The following MGST1 variants were observed in gnomAD, a reference collection of about 807,000 sequenced individuals.
The protein encoded by MGST1 is microsomal glutathione S-transferase 1.
In MGST1, 5 loss-of-function variants were observed where a neutral mutation model predicts 8.9. That is an observed-to-expected ratio of 0.56 (90% CI 0.29 to 1.19). The LOEUF is 1.19. MGST1 is among the 50% of genes most tolerant of loss of function. The pLI, the probability that MGST1 is intolerant of heterozygous loss-of-function variation, is 0.08. For missense variants in MGST1, 182 were observed against 187.4 expected, an observed-to-expected ratio of 0.97 and a Z score of 0.17; for synonymous variants, 54 against 67.8, an observed-to-expected ratio of 0.80 and a Z score of 1.00.
chr12:16,568,571 A>G (rs901968097), intron 4 of MGST1, among the ~76,000 whole-genome samples: 1 of 152,218 alleles, frequency 6.6e-6, no homozygotes, highest in Non-Finnish European at 1.5e-5. Context: ...GGGCATATGT[A>G]CCAGATTCCA....
At chr12:16,525,768 A>C (rs371896319) in intron 4 of MGST1, among the ~76,000 whole-genome samples, 1 of 150,476 alleles carries the variant, frequency 6.6e-6, no homozygotes, top group Non-Finnish European at 1.5e-5. Flanking sequence ...CAACAGTGTA[A>C]AAGTGTTCCT....
intron 4 of MGST1, among the ~76,000 whole-genome samples, chr12:16,561,982 T>TA (rs1342668076): frequency 1.3e-5 from 2 of 152,216 alleles, no homozygotes; most frequent in Admixed American, 1.3e-4. Flanking sequence ...CTTAATGAAT[T>TA]AAAAAATACT....
At chr12:16,354,207 C>A in intron 1 of MGST1, 24 bp from the exon 2 acceptor site, 1 of 1,522,948 alleles carries the variant, frequency 6.6e-7, no homozygotes. Flanking sequence ...CTGCTTTTTC[C>A]CATTTTATTT....
At position 16,548,914 on chromosome 12, in the gene MGST1, G is replaced by A. The variant is rs540535200; in HGVS notation, n.483-40614G>A. ...TAAGAAATAATTCTCAGCATATTAT[G>A]TAAAAGAAAAAGCAGTGAAAACCTT... On this transcript the variant is annotated intron_variant and non_coding_transcript_variant, in intron 4 of 4. Coordinates refer to the MGST1 transcript ENST00000538857. This position sits in a 1 kb window ranked among gnomAD's most constrained non-coding sequence, Gnocchi z 4.2. 6.6e-6 allele frequency: 1 copy of A among 152,234 alleles called. No homozygotes were observed. Among genetic ancestry groups the A allele is most frequent in the African/African-American group, 2.4e-5 (1 of 41,550 alleles). The allele number at this position is 152,234 out of a possible 1,614,324, so 9.4% of individuals were successfully genotyped here.
chr12:16,354,783 G>GA (rs1013294584), intron 2 of MGST1: 10 of 149,532 alleles, frequency 6.7e-5, no homozygotes, highest in South Asian at 2.1e-4. Context: ...AAAAAAAATA[G>GA]AAAAAAAAAG....
intron 1 of MGST1, among the ~76,000 whole-genome samples, chr12:16,417,550 C>A (rs1027208754): frequency 2.0e-5 from 3 of 152,100 alleles, no homozygotes; most frequent in Non-Finnish European, 4.4e-5. Flanking sequence ...TTGACCAGTG[C>A]CCTGCCAATG....
intron 4 of MGST1, among the ~76,000 whole-genome samples, chr12:16,472,683 A>G (rs191822336): frequency 1.3e-5 from 2 of 152,340 alleles, no homozygotes; most frequent in East Asian, 3.9e-4. Context: ...TTGAGCAATA[A>G]TACAATCATA....
chr12:16,417,129 G>A (rs1269746666), intron 1 of MGST1, among the ~76,000 whole-genome samples: 5 of 152,178 alleles, frequency 3.3e-5, no homozygotes, highest in Non-Finnish European at 5.9e-5. Context: ...ATATCTGAGA[G>A]TGGGTAACTC....
intron 4 of MGST1, among the ~76,000 whole-genome samples, chr12:16,535,189 T>C (rs1195489458): frequency 1.3e-5 from 2 of 152,234 alleles, no homozygotes; most frequent in East Asian, 3.8e-4. Flanking sequence ...TTCTAGCCAC[T>C]AGCCCACTCT....
At chr12:16,406,628 G>A (rs1222015718) in intron 1 of MGST1, among the ~76,000 whole-genome samples, 2 of 152,160 alleles carry the variant, frequency 1.3e-5, no homozygotes, top group Non-Finnish European at 1.5e-5. Flanking sequence ...GCAAAAAGCT[G>A]GAGGCATCAT....
intron 4 of MGST1, among the ~76,000 whole-genome samples, chr12:16,556,370 A>C (rs1209782112): frequency 6.6e-6 from 1 of 152,212 alleles, no homozygotes; most frequent in Non-Finnish European, 1.5e-5. Flanking sequence ...ATTTTAATGC[A>C]GGATTCACGT....
intron 2 of MGST1, among the ~76,000 whole-genome samples, chr12:16,355,113 G>A (rs1158097031): frequency 6.6e-6 from 1 of 150,446 alleles, no homozygotes; most frequent in Non-Finnish European, 1.5e-5. Context: ...GAGACCATCT[G>A]TTTCTCTCTT....
intron 1 of MGST1, chr12:16,399,777 C>T: frequency 8.5e-7 from 1 of 1,181,004 alleles, no homozygotes; most frequent in East Asian, 2.3e-5. Context: ...GGAATTCAAC[C>T]ATTCCTTGAT....
In MGST1 at chr12:16,394,528, TTCTTTCTTTCTTTCTTTCTTTC is replaced by T. The variant is rs1451768480; in HGVS notation, n.778+10926_778+10947del. On this transcript the variant is annotated intron_variant and non_coding_transcript_variant, in intron 1 of 1. Transcript: ENST00000359720. ...TCTTTCTCTCCCTTTCTTTCTTTCT[TTCTTTCTTTCTTTCTTTCTTTC>T]TTTCTTTCTTTCTTTCTTTCTTTCT... is the stretch of plus-strand genomic sequence containing the variant. Among the ~76,000 whole-genome samples the T allele has an allele frequency of 3.6e-4, 12 of 33,044 alleles. 1 individual carries two copies. In the East Asian group the frequency reaches 0.051, roughly 142 times the overall value. The allele number at this position is 33,044 out of a possible 152,430, so 21.7% of individuals were successfully genotyped here.
At chr12:16,484,837 CT>C (rs1187373955) in intron 4 of MGST1, among the ~76,000 whole-genome samples, 4 of 152,192 alleles carry the variant, frequency 2.6e-5, no homozygotes. Context: ...AACCATATCA[CT>C]TTCCAGTGAT....
rs1429854771 is a variant in MGST1 at position 16,401,864 on chromosome 12, T to C, written n.778+18260T>C. On this transcript the variant is annotated intron_variant and non_coding_transcript_variant, in intron 1 of 1. Coordinates refer to the MGST1 transcript ENST00000359720. This position sits in a 1 kb window ranked among gnomAD's most constrained non-coding sequence, Gnocchi z 4.3. ...TGAAGACTTCAGAAGTGATGCCAGC[T>C]GCTTTCTTCATTAATTTGAGCTCCC... The C allele has an allele frequency of 6.2e-7, 1 of 1,604,486 alleles. No homozygotes were observed. Among genetic ancestry groups the C allele is most frequent in the Admixed American group, 1.7e-5 (1 of 60,026 alleles).
Position 16,435,218 on chromosome 12 carries a change from CAATT to C in MGST1, n.779-2167_779-2164del, listed in dbSNP as rs1363512028. Among the ~76,000 whole-genome samples the C allele has an allele frequency of 5.0e-4, 75 of 151,500 alleles. 1 individual carries two copies. Among genetic ancestry groups the C allele is most frequent in the Non-Finnish European group, 8.9e-5 (6 of 67,794 alleles). ...TTATTTTGATTTTATTTATTTATCT[CAATT>C]AAATGTACAAACAAAGCATAATAAA... On this transcript the variant is annotated intron_variant and non_coding_transcript_variant, in intron 1 of 1. Coordinates refer to the MGST1 transcript ENST00000359720.
chr12:16,350,013 G>A (rs1414349293), intron 1 of MGST1, among the ~76,000 whole-genome samples: 1 of 152,058 alleles, frequency 6.6e-6, no homozygotes, highest in African/African-American at 2.4e-5. Context: ...CAAAGTGCTG[G>A]GATTACAGGC....
chr12:16,521,409 C>A (rs1370789508), intron 4 of MGST1, among the ~76,000 whole-genome samples: 1 of 152,084 alleles, frequency 6.6e-6, no homozygotes, highest in Admixed American at 6.6e-5. Context: ...TTTCCACTTC[C>A]TCCTCATGTT....
Sources: gnomAD v4.1 joint callset for allele counts (sites outside exome capture counted in the v4.1 genomes callset) on GRCh38, gnomAD v4.1.1 for gene constraint, Gnocchi (gnomAD v3.1) non-coding constraint, MANE v1.5 for transcripts, NCBI Gene and HGNC (gene_info 2026-07-23, HGNC 2026-07-21) for gene names.